MYO1A: variants seen among roughly 807,000 people sequenced by gnomAD.
The protein encoded by MYO1A is myosin IA, also known as unconventional myosin-Ia.
In MYO1A, 127 loss-of-function variants were observed where a neutral mutation model predicts 138.5. That is an observed-to-expected ratio of 0.92 (90% CI 0.79 to 1.06). The LOEUF is 1.06. Among genes scored for constraint, MYO1A ranks in the 50% least tolerant of loss-of-function variants. The probability of loss-of-function intolerance (pLI) is 0.00; values close to 1 mark genes in which losing one functional copy is unlikely to be tolerated. For missense variants in MYO1A, 1,211 were observed against 1,288.8 expected, an observed-to-expected ratio of 0.94 and a Z score of 0.92; for synonymous variants, 477 against 497.5, an observed-to-expected ratio of 0.96 and a Z score of 0.55.
chr12:57,045,732 C>T (rs1048481701), intron 8 of MYO1A, among the ~76,000 whole-genome samples: 4 of 152,188 alleles, frequency 2.6e-5, no homozygotes, highest in Non-Finnish European at 4.4e-5. Flanking sequence ...AGGCAAACTC[C>T]AGTAGGGCTT....
intron 14 of MYO1A, chr12:57,039,522 C>A: frequency 1.9e-6 from 1 of 523,772 alleles, no homozygotes. Context: ...ATGCAGAGAT[C>A]CCTGTAGGTG....
intron 14 of MYO1A, among the ~76,000 whole-genome samples, chr12:57,039,855 A>G (rs2030778999): frequency 6.6e-6 from 1 of 152,218 alleles, no homozygotes; most frequent in African/African-American, 2.4e-5. Context: ...CATTTCCAAC[A>G]TGTTTCCAGG....
intron 8 of MYO1A, 120 bp downstream of exon 8, chr12:57,046,432 G>A (rs1002870828): frequency 2.6e-6 from 2 of 782,116 alleles, no homozygotes; most frequent in Non-Finnish European, 4.5e-6. Context: ...GAAAATCTGG[G>A]AGGCTCAAGG....
At position 57,029,291 on chromosome 12, in the gene MYO1A, A is replaced by G. The variant is rs1476526679; in HGVS notation, c.2878-32T>C. Reference sequence around the variant, plus strand: ...AAGAGGGAAAAATAGCAGGAAAGGGATTCATTTTTTCTCTTCAGGAGCACC... The same window carrying G: ...AAGAGGGAAAAATAGCAGGAAAGGGGTTCATTTTTTCTCTTCAGGAGCACC... On this transcript the variant is annotated intron_variant, in intron 26 of 27. Coordinates refer to ENST00000300119, the MANE Select transcript of MYO1A (RefSeq NM_005379.4). 6 of 1,613,502 alleles carry G rather than the reference A, an allele frequency of 3.7e-6. No homozygotes were observed. The South Asian group carries it at 5.5e-5, about 15-fold the overall frequency.
Position 57,039,025 on chromosome 12 carries a change from A to T in MYO1A, c.1333-16T>A. ...CTCGCTGATTCTGGGCCGGGGGAAC[A>T]AAAGAAGCCCAACCTAAATCTGGTC... is the stretch of plus-strand genomic sequence containing the variant. On this transcript the variant is annotated splice_polypyrimidine_tract_variant and intron_variant, in intron 15 of 27. Coordinates refer to ENST00000300119, the MANE Select transcript of MYO1A (RefSeq NM_005379.4). 6.2e-6 allele frequency: 10 copies of T among 1,610,402 alleles called. No individual in the cohort carries two copies. The highest frequency in any genetic ancestry group is 8.5e-6 in the Non-Finnish European group (10 of 1,178,114).
chr12:57,048,128 G>C (rs370721597), intron 2 of MYO1A, 24 bp from the exon 3 acceptor site: 24 of 1,608,904 alleles, frequency 1.5e-5, no homozygotes, highest in African/African-American at 2.7e-5. Flanking sequence ...GAAGGTGAAG[G>C]GAATGAGCTT....
At chr12:57,042,154 C>A (rs998844770) in intron 12 of MYO1A, among the ~76,000 whole-genome samples, 2 of 152,316 alleles carry the variant, frequency 1.3e-5, no homozygotes, top group Admixed American at 1.3e-4. Context: ...CCCTCTCCCC[C>A]CAGCCCTTGG....
Position 57,046,845 on chromosome 12 carries a change from A to G in MYO1A, c.541+18T>C. ...AGGCAGGTGGAAGACAGGTGAGTGGAATTGGGGAGACACGTACAGTTTGTG... is the reference window on the plus strand; with the variant it reads ...AGGCAGGTGGAAGACAGGTGAGTGGGATTGGGGAGACACGTACAGTTTGTG... On this transcript the variant is annotated intron_variant, in intron 7 of 27. Transcript: ENST00000300119. 6.2e-7 allele frequency: 1 copy of G among 1,613,248 alleles called. No homozygotes were observed. Among genetic ancestry groups the G allele is most frequent in the South Asian group, 1.1e-5 (1 of 91,052 alleles).
intron 14 of MYO1A, among the ~76,000 whole-genome samples, chr12:57,040,782 G>A (rs2030822764): frequency 6.6e-6 from 1 of 152,192 alleles, no homozygotes; most frequent in African/African-American, 2.4e-5. Flanking sequence ...GGATCATGGT[G>A]TTACAAGAAA....
At position 57,036,877 on chromosome 12, in the gene MYO1A, C is replaced by T. The variant is rs758175790; in HGVS notation, c.2206-37G>A. On this transcript the variant is annotated intron_variant, in intron 20 of 27. Transcript: ENST00000300119. Reference sequence around the variant, plus strand: ...ATAGGAGTTGTTAGAAAAATGGCACCTCCTGAGCCACCTTCCATCTTCCCT... The same window carrying T: ...ATAGGAGTTGTTAGAAAAATGGCACTTCCTGAGCCACCTTCCATCTTCCCT... 38 of 1,614,082 alleles carry T rather than the reference C, an allele frequency of 2.4e-5. No individual in the cohort carries two copies. The Admixed American group carries it at 6.0e-4, about 25-fold the overall frequency.
Position 57,037,580 on chromosome 12 carries a change from T to C in MYO1A, c.2023A>G (p.Lys675Glu), listed in dbSNP as rs1312890399. Residue 675 changes from lysine to glutamate, a missense_variant, in exon 19 of 28, where the codon AAG (lysine) becomes GAG (glutamate). Coordinates refer to ENST00000300119, the MANE Select transcript of MYO1A (RefSeq NM_005379.4). ...GGGCTTCTAATGAAGATCTTTGTCTTGCCAAAGGCCAGCTCCCCCGAGGAC... is the reference window on the plus strand; with the variant it reads ...GGGCTTCTAATGAAGATCTTTGTCTCGCCAAAGGCCAGCTCCCCCGAGGAC... Reference protein sequence around the residue: ...SMSSGELAFGKTKIFIRSPKT... With the variant: ...SMSSGELAFGETKIFIRSPKT... The C allele has an allele frequency of 6.2e-7, 1 of 1,614,146 alleles. No homozygotes were observed. Among genetic ancestry groups the C allele is most frequent in the Admixed American group, 1.7e-5 (1 of 60,014 alleles).
At chr12:57,047,214 G>T in intron 5 of MYO1A, 89 bp downstream of exon 5, 1 of 1,578,440 alleles carries the variant, frequency 6.3e-7, no homozygotes, top group Non-Finnish European at 8.7e-7. Context: ...CAAGAGAGGT[G>T]ATTTTGCAGC....
chr12:57,039,798 C>T (rs1335595874), intron 14 of MYO1A, among the ~76,000 whole-genome samples: 3 of 152,214 alleles, frequency 2.0e-5, no homozygotes, highest in Non-Finnish European at 4.4e-5. Flanking sequence ...GGGTCCCACT[C>T]CCCAAGTTTC....
Position 57,037,104 on chromosome 12 carries a change from G to A in MYO1A, c.2056-13C>T. 1.2e-6 allele frequency: 2 copies of A among 1,613,978 alleles called. No individual in the cohort carries two copies. Among genetic ancestry groups the A allele is most frequent in the South Asian group, 1.1e-5 (1 of 91,066 alleles). The stretch of plus-strand genomic sequence containing the variant: ...CGAGGTAGAAAAGCTGTGGAGAGGT[G>A]GAAGGGGGTGACAGAGAGACTGGCT... On this transcript the variant is annotated splice_polypyrimidine_tract_variant and intron_variant, in intron 19 of 27. Transcript: ENST00000300119.
intron 22 of MYO1A, among the ~76,000 whole-genome samples, chr12:57,031,743 CAA>C (rs1224691271): frequency 1.3e-5 from 2 of 152,348 alleles, no homozygotes; most frequent in African/African-American, 2.4e-5. Context: ...CCTCGAACAA[CAA>C]AGAGAGGCTG....
rs370014993 is a variant in MYO1A, at chr12:57,028,811, T to C, written c.3076A>G (p.Ser1026Gly). ...VVQGPAGGDN[S>G]KLRYKKKGSH... ...CCCTTTTTTTTGTAGCGTAGCTTGC[T>C]GTTGTCACCACCTGCAGGGCCCTGG... The change falls in exon 28 of 28, where the codon AGC (serine) becomes GGC (glycine). Residue 1026 changes from serine to glycine, a missense_variant. Coordinates refer to ENST00000300119, the MANE Select transcript of MYO1A (RefSeq NM_005379.4). 316 of 1,613,986 alleles carry C rather than the reference T, an allele frequency of 2.0e-4. No individual in the cohort carries two copies. The highest frequency in any genetic ancestry group is 2.6e-4 in the Non-Finnish European group (304 of 1,180,016).
Position 57,046,629 on chromosome 12 carries a change from A to C in MYO1A, c.563T>G (p.Leu188Ter). The change falls in exon 8 of 28, where the codon TTA becomes TGA. Residue 188 changes from leucine to a stop codon, truncating the protein, a stop_gained. Transcript: ENST00000300119. LOFTEE classifies it high-confidence loss of function. The stretch of plus-strand genomic sequence containing the variant: ...CCTTTCTCCTTTGAGCTGCTTCACT[A>C]ATCGGGATTTCTCAAGCAGATCTGG... ...ITNYLLEKSR[L>*]VKQLKGERNF... is the part of the protein sequence containing the mutation. 1 of 1,613,962 alleles carries C rather than the reference A, an allele frequency of 6.2e-7. No homozygotes were observed. Among genetic ancestry groups the C allele is most frequent in the South Asian group, 1.1e-5 (1 of 91,078 alleles).
At chr12:57,040,913 C>T (rs1463035123) in intron 14 of MYO1A, among the ~76,000 whole-genome samples, 4 of 152,222 alleles carry the variant, frequency 2.6e-5, no homozygotes, top group Non-Finnish European at 5.9e-5. Flanking sequence ...ATTTGGCTCA[C>T]AGTCTGCCAT....
Position 57,029,142 on chromosome 12 carries a change from C to T in MYO1A, c.2995G>A (p.Val999Met), listed in dbSNP as rs142178053. ...DATQRQLTVT[V>M]TEKFSVRFKE... The stretch of plus-strand genomic sequence containing the variant: ...AGTTCATGGCCTCACTTCTCAGTCA[C>T]GGTGACTGTAAGCTGCCTCTGCGTG... The change falls in exon 27 of 28, where the codon GTG becomes ATG. Residue 999 changes from valine to methionine, a missense_variant. Transcript: ENST00000300119. The T allele has an allele frequency of 2.1e-5, 34 of 1,614,066 alleles. No homozygotes were observed. Among genetic ancestry groups the T allele is most frequent in the Middle Eastern group, 1.6e-4 (1 of 6,084 alleles).
Sources: gnomAD v4.1 joint callset for allele counts (sites outside exome capture counted in the v4.1 genomes callset) on GRCh38, gnomAD v4.1.1 for gene constraint, MANE v1.5 for transcripts, NCBI Gene and HGNC (gene_info 2026-07-23, HGNC 2026-07-21) for gene names.